The following FGF12 variants were observed in gnomAD, a reference collection of about 807,000 sequenced individuals.
FGF12 encodes the protein fibroblast growth factor 12B.
A neutral mutation model predicts 23.6 loss-of-function variants in FGF12; 14 were observed. The ratio of observed to expected loss-of-function variants is 0.59; its 90% confidence interval spans 0.39 to 0.93. FGF12 has a LOEUF of 0.93. FGF12 is among the 40% of genes least tolerant of loss of function. The probability of loss-of-function intolerance (pLI) is 0.00; values close to 1 mark genes in which losing one functional copy is unlikely to be tolerated. For synonymous variants in FGF12, 62 were observed against 77.3 expected (o/e 0.80, Z 1.04); for missense variants, 175 against 217.8 (o/e 0.80, Z 1.24).
intron 2 of FGF12, among the ~76,000 whole-genome samples, chr3:192,659,535 A>G (rs545241218): frequency 6.6e-6 from 1 of 152,276 alleles, no homozygotes; most frequent in East Asian, 1.9e-4. Context: ...AGAAAATACA[A>G]TAAGGAAATG....
At chr3:192,346,163 G>A (rs1717949816) in intron 3 of FGF12, among the ~76,000 whole-genome samples, 1 of 151,906 alleles carries the variant, frequency 6.6e-6, no homozygotes, top group Admixed American at 6.6e-5. Context: ...CTAAAGTATT[G>A]CATTTTACTC....
At chr3:192,313,206 G>A (rs1716049658) in intron 4 of FGF12, among the ~76,000 whole-genome samples, 1 of 152,114 alleles carries the variant, frequency 6.6e-6, no homozygotes, top group Non-Finnish European at 1.5e-5. Context: ...CAATATGGGA[G>A]ATGGAAGGTT....
At chr3:192,207,385 A>T (rs1478933808) in intron 4 of FGF12, among the ~76,000 whole-genome samples, 1 of 152,226 alleles carries the variant, frequency 6.6e-6, no homozygotes, top group Non-Finnish European at 1.5e-5. Flanking sequence ...GACAATAAAG[A>T]GGCAGATGAC....
intron 2 of FGF12, among the ~76,000 whole-genome samples, chr3:192,547,705 A>C (rs1483808993): frequency 6.6e-6 from 1 of 152,200 alleles, no homozygotes; most frequent in African/African-American, 2.4e-5. Context: ...TGTTCTTAAA[A>C]ATACCTGCTC....
Position 192,154,318 on chromosome 3 carries a change from A to G in FGF12, c.428-10191T>C, listed in dbSNP as rs1261835052. Among the ~76,000 whole-genome samples, 6 of 120,646 alleles carry G rather than the reference A, an allele frequency of 5.0e-5. No individual in the cohort carries two copies. In the Admixed American group the frequency reaches 5.1e-4, roughly 10 times the overall value. 79.1% of individuals were successfully genotyped at this position (120,646 alleles called of 152,430 possible). ...TGAAGCCTTCTTCTCTCAGCTCGTC[A>G]AAGTCATTCTCCATCCAGCTTTGTT... On this transcript the variant is annotated intron_variant, in intron 5 of 5. Coordinates refer to ENST00000445105, the MANE Select transcript of FGF12 (RefSeq NM_004113.6).
chr3:192,501,944 A>G (rs1724144313), intron 2 of FGF12, among the ~76,000 whole-genome samples: 1 of 152,216 alleles, frequency 6.6e-6, no homozygotes, highest in South Asian at 2.1e-4. Flanking sequence ...AAATGAAGCA[A>G]TATTTCATAA....
intron 4 of FGF12, among the ~76,000 whole-genome samples, chr3:192,190,632 C>T (rs1168927512): frequency 5.9e-5 from 9 of 151,676 alleles, no homozygotes; most frequent in Non-Finnish European, 8.8e-5. Flanking sequence ...CCCGCCACCG[C>T]GCCCGGCTAA....
At chr3:192,166,204 A>G (rs1715153550) in intron 5 of FGF12, among the ~76,000 whole-genome samples, 1 of 152,224 alleles carries the variant, frequency 6.6e-6, no homozygotes, top group African/African-American at 2.4e-5. Context: ...GTATAACTGC[A>G]TGGAGAATCA....
At chr3:192,544,512 T>A (rs534941482) in intron 2 of FGF12, among the ~76,000 whole-genome samples, 1 of 152,194 alleles carries the variant, frequency 6.6e-6, no homozygotes, top group Non-Finnish European at 1.5e-5. Flanking sequence ...TTTCGATATC[T>A]GGACAGTGAA....
At chr3:192,726,498 T>C (rs1429334666) in intron 2 of FGF12, among the ~76,000 whole-genome samples, 1 of 152,206 alleles carries the variant, frequency 6.6e-6, no homozygotes, top group Non-Finnish European at 1.5e-5. Context: ...TTTTTACAGT[T>C]CATTTATCAG....
chr3:192,480,641 T>C (rs763364558), intron 2 of FGF12, among the ~76,000 whole-genome samples: 11 of 152,088 alleles, frequency 7.2e-5, no homozygotes, highest in Non-Finnish European at 1.0e-4. Flanking sequence ...TATCTCACTA[T>C]GGGGAAACAC....
At chr3:192,668,680 A>G (rs919608889) in intron 2 of FGF12, among the ~76,000 whole-genome samples, 5 of 152,278 alleles carry the variant, frequency 3.3e-5, no homozygotes, top group African/African-American at 1.2e-4. Flanking sequence ...GGAGCTGTGC[A>G]TCGTGTAGGT....
chr3:192,661,463 T>A (rs1387067585), intron 2 of FGF12, among the ~76,000 whole-genome samples: 1 of 152,116 alleles, frequency 6.6e-6, no homozygotes, highest in Non-Finnish European at 1.5e-5. Flanking sequence ...TGGCAGAGGT[T>A]GCAGTGAGCT....
At chr3:192,578,543 C>T (rs370988094) in intron 2 of FGF12, among the ~76,000 whole-genome samples, 1 of 152,166 alleles carries the variant, frequency 6.6e-6, no homozygotes, top group South Asian at 2.1e-4. Flanking sequence ...TTTTGCCTCT[C>T]AGATTAGATT....
chr3:192,509,162 G>C (rs569856078), intron 2 of FGF12, among the ~76,000 whole-genome samples: 12 of 152,066 alleles, frequency 7.9e-5, no homozygotes, highest in Non-Finnish European at 1.3e-4. Flanking sequence ...AAGAAGGGAG[G>C]GGTGGCAATT....
intron 2 of FGF12, among the ~76,000 whole-genome samples, chr3:192,663,994 A>G (rs536091286): frequency 7.9e-5 from 12 of 152,218 alleles, no homozygotes; most frequent in Non-Finnish European, 1.6e-4. Flanking sequence ...CATAGTACAC[A>G]TAAGCTTCTC....
chr3:192,317,618 C>T (rs1716298209), intron 4 of FGF12, among the ~76,000 whole-genome samples: 1 of 152,162 alleles, frequency 6.6e-6, no homozygotes, highest in Admixed American at 6.5e-5. Flanking sequence ...GGCCCTGGCT[C>T]CCAGATGGTA....
intron 2 of FGF12, among the ~76,000 whole-genome samples, chr3:192,446,165 C>T (rs556261247): frequency 6.6e-6 from 1 of 152,146 alleles, no homozygotes; most frequent in Non-Finnish European, 1.5e-5. Context: ...GAGACTATAC[C>T]CAGACACTGA....
At position 192,504,933 on chromosome 3, in the gene FGF12, G is replaced by T. The variant is rs1724250940; in HGVS notation, c.14-144395C>A. 2.0e-5 allele frequency among the ~76,000 whole-genome samples: 3 copies of T among 152,166 alleles called. No individual in the cohort carries two copies. In the South Asian group the frequency reaches 6.2e-4, roughly 32 times the overall value. On this transcript the variant is annotated intron_variant, in intron 2 of 5. Transcript: ENST00000445105. ...TTTGACAAGTTTCTGTATTTTCTCA[G>T]TTGTCTGGAACTCAGAATGAAGGAG...
Sources: gnomAD v4.1 joint callset for allele counts (sites outside exome capture counted in the v4.1 genomes callset) on GRCh38, gnomAD v4.1.1 for gene constraint, MANE v1.5 for transcripts, NCBI Gene and HGNC (gene_info 2026-07-23, HGNC 2026-07-21) for gene names.